FOXP2: variants seen among roughly 807,000 people sequenced by gnomAD.
FOXP2 encodes the protein forkhead box P2.
In FOXP2, 12 loss-of-function variants were observed where a neutral mutation model predicts 115.8. That is an observed-to-expected ratio of 0.10 (90% CI 0.07 to 0.17). The LOEUF (loss-of-function observed/expected upper bound fraction) is 0.17. Among genes scored for constraint, FOXP2 ranks in the 10% least tolerant of loss-of-function variants. The pLI, the probability that FOXP2 is intolerant of heterozygous loss-of-function variation, is 1.00. For missense variants in FOXP2, 629 were observed against 843.5 expected (o/e 0.75, Z 3.15); for synonymous variants, 328 against 297.7 (o/e 1.10, Z -1.05).
At chr7:114,466,618 A>C (rs1215113202) in intron 2 of FOXP2, among the ~76,000 whole-genome samples, 1 of 152,144 alleles carries the variant, frequency 6.6e-6, no homozygotes, top group Admixed American at 6.5e-5. Flanking sequence ...TCTTGGGCCC[A>C]ATCTTGGATT....
At chr7:114,144,709 G>A (rs1196960874) in intron 1 of FOXP2, among the ~76,000 whole-genome samples, 1 of 152,014 alleles carries the variant, frequency 6.6e-6, no homozygotes, top group African/African-American at 2.4e-5. Flanking sequence ...TGGTTCAGAA[G>A]TGTTCAGAGT....
intron 3 of FOXP2, among the ~76,000 whole-genome samples, chr7:114,591,900 G>A (rs1444935437): frequency 2.0e-5 from 3 of 152,072 alleles, no homozygotes; most frequent in Non-Finnish European, 4.4e-5. Context: ...CTAGCCATAT[G>A]TGGCTATTGG....
intron 1 of FOXP2, among the ~76,000 whole-genome samples, chr7:114,190,290 A>G (rs1302722600): frequency 1.3e-5 from 2 of 152,190 alleles, no homozygotes; most frequent in African/African-American, 4.8e-5. Flanking sequence ...AGTCTGAGTA[A>G]GGAAGATGAC....
At chr7:114,253,018 C>T (rs988986973) in intron 1 of FOXP2, among the ~76,000 whole-genome samples, 1 of 152,112 alleles carries the variant, frequency 6.6e-6, no homozygotes, top group African/African-American at 2.4e-5. Context: ...TTTCCAAGAA[C>T]ATCATTATTT....
chr7:114,332,919 A>G, intron 2 of FOXP2, among the ~76,000 whole-genome samples: 1 of 152,134 alleles, frequency 6.6e-6, no homozygotes, highest in East Asian at 1.9e-4. Context: ...TCTGTCCCTT[A>G]CTTCTCTGAA....
chr7:114,552,874 A>G (rs941471422), intron 3 of FOXP2, among the ~76,000 whole-genome samples: 1 of 152,186 alleles, frequency 6.6e-6, no homozygotes, highest in Admixed American at 6.5e-5. Context: ...CACAATCACT[A>G]TAACTTAGCT....
chr7:114,584,688 C>T (rs888536939), intron 3 of FOXP2, among the ~76,000 whole-genome samples: 4 of 152,168 alleles, frequency 2.6e-5, no homozygotes, highest in South Asian at 2.1e-4. Flanking sequence ...TTCTTGCCCA[C>T]CACCATGGCT....
intron 2 of FOXP2, among the ~76,000 whole-genome samples, chr7:114,350,636 C>T (rs1273482104): frequency 6.6e-6 from 1 of 152,036 alleles, no homozygotes; most frequent in Non-Finnish European, 1.5e-5. Flanking sequence ...CCTCTAATTT[C>T]AGAGACCAGT....
intron 1 of FOXP2, among the ~76,000 whole-genome samples, chr7:114,170,018 A>G (rs1249840768): frequency 6.6e-6 from 1 of 152,138 alleles, no homozygotes; most frequent in Non-Finnish European, 1.5e-5. Flanking sequence ...TCTTTTGTAA[A>G]TCGCCCTGTC....
At chr7:114,602,878 T>G (rs1803105240) in intron 3 of FOXP2, among the ~76,000 whole-genome samples, 1 of 152,152 alleles carries the variant, frequency 6.6e-6, no homozygotes. Context: ...CTAATATTCT[T>G]TAGCAAAAAT....
chr7:114,237,564 G>A (rs1287795255), intron 1 of FOXP2, among the ~76,000 whole-genome samples: 2 of 151,946 alleles, frequency 1.3e-5, no homozygotes, highest in African/African-American at 4.8e-5. Flanking sequence ...CTTGAACCAC[G>A]TGCTCAGGCC....
At chr7:114,540,558 C>A (rs920942500) in intron 3 of FOXP2, among the ~76,000 whole-genome samples, 2 of 151,834 alleles carry the variant, frequency 1.3e-5, no homozygotes, top group Non-Finnish European at 2.9e-5. Flanking sequence ...CAGAGTTGCA[C>A]ACAAATAAAA....
At chr7:114,365,908 C>T (rs1399579327) in intron 2 of FOXP2, among the ~76,000 whole-genome samples, 1 of 151,976 alleles carries the variant, frequency 6.6e-6, no homozygotes, top group African/African-American at 2.4e-5. Flanking sequence ...TTTGTGGAAA[C>T]TTAGGAATGT....
intron 1 of FOXP2, among the ~76,000 whole-genome samples, chr7:114,215,123 T>A (rs1050604414): frequency 2.0e-5 from 3 of 152,264 alleles, no homozygotes; most frequent in African/African-American, 7.2e-5. Flanking sequence ...TTAATGTGAA[T>A]CCTTAATAAT....
At chr7:114,143,338 T>C (rs145528828) in intron 1 of FOXP2, among the ~76,000 whole-genome samples, 263 of 152,118 alleles carry the variant, frequency 1.7e-3, no homozygotes, top group East Asian at 4.4e-3. Context: ...AAGCCTATGA[T>C]TAGATTCTCT....
At chr7:114,136,473 A>G (rs564272463) in intron 1 of FOXP2, among the ~76,000 whole-genome samples, 1 of 152,184 alleles carries the variant, frequency 6.6e-6, no homozygotes, top group African/African-American at 2.4e-5. Flanking sequence ...TTATCTTTGC[A>G]TAGTAAAAGT....
chr7:114,344,271 G>C (rs535966996), intron 2 of FOXP2, among the ~76,000 whole-genome samples: 46 of 151,850 alleles, frequency 3.0e-4, no homozygotes, highest in Non-Finnish European at 4.4e-4. Context: ...AATGACGGGG[G>C]AAGTGGGGTA....
At chr7:114,358,432 G>A (rs765100407) in intron 2 of FOXP2, among the ~76,000 whole-genome samples, 3 of 152,158 alleles carry the variant, frequency 2.0e-5, no homozygotes, top group Non-Finnish European at 4.4e-5. Flanking sequence ...AGTGACTTTC[G>A]AATTGGGTAA....
intron 1 of FOXP2, among the ~76,000 whole-genome samples, chr7:114,247,720 G>A (rs1795323705): frequency 6.6e-6 from 1 of 152,072 alleles, no homozygotes; most frequent in Admixed American, 6.5e-5. Context: ...AGTTCTTTGA[G>A]GATAAAAGGA....
Sources: gnomAD v4.1 joint callset for allele counts (sites outside exome capture counted in the v4.1 genomes callset) on GRCh38, gnomAD v4.1.1 for gene constraint, MANE v1.5 for transcripts, NCBI Gene and HGNC (gene_info 2026-07-23, HGNC 2026-07-21) for gene names.